Variants in NSF observed in about 807,000 individuals in gnomAD.
The protein encoded by NSF is N-ethylmaleimide sensitive factor, vesicle fusing ATPase.
In NSF, 14 loss-of-function variants were observed where a neutral mutation model predicts 50.3. The observed-to-expected ratio is 0.28, with a 90% CI of 0.18 to 0.44. NSF has a LOEUF of 0.44. NSF is among the 20% of genes least tolerant of loss of function. The pLI is 1.00. For missense variants in NSF, 218 were observed against 504.3 expected (o/e 0.43, Z 5.44); for synonymous variants, 109 against 175.7 (o/e 0.62, Z 3.00).
Position 46,751,480 on chromosome 17 carries a change from ATTATTGT to A in NSF, c.2044-13_2044-7del. 2 of 1,569,886 alleles carry A rather than the reference ATTATTGT, an allele frequency of 1.3e-6. No individual in the cohort carries two copies. The highest frequency in any genetic ancestry group is 1.8e-6 in the Non-Finnish European group (2 of 1,140,196). ...ATGTGTTCACTGTAAAAGTGCTTTG[ATTATTGT>A]TTATTGTTTTTGTAGCTTTTGGGCA... is the stretch of plus-strand genomic sequence containing the variant. On this transcript the variant is annotated splice_polypyrimidine_tract_variant and intron_variant, in intron 18 of 20. Coordinates refer to ENST00000398238, the MANE Select transcript of NSF (RefSeq NM_006178.4).
At chr17:46,717,082 AT>A (rs2058779913) in intron 15 of NSF, among the ~76,000 whole-genome samples, 1 of 152,226 alleles carries the variant, frequency 6.6e-6, no homozygotes, top group Non-Finnish European at 1.5e-5. Flanking sequence ...GTGGAATGGA[AT>A]CAACCTGAAT....
intron 16 of NSF, among the ~76,000 whole-genome samples, chr17:46,727,754 T>A (rs944326797): frequency 2.6e-5 from 4 of 152,154 alleles, no homozygotes. Flanking sequence ...TTAACACAAT[T>A]GAGGTGTGTG....
intron 18 of NSF, among the ~76,000 whole-genome samples, chr17:46,750,920 G>T (rs2059176182): frequency 6.7e-6 from 1 of 150,368 alleles, no homozygotes; most frequent in Non-Finnish European, 1.5e-5. Context: ...TTAATTTTTT[G>T]AAAATGACAG....
intron 13 of NSF, among the ~76,000 whole-genome samples, chr17:46,708,031 CAAA>C (rs35548565): frequency 2.0e-4 from 17 of 85,538 alleles, no homozygotes; most frequent in South Asian, 3.9e-4. Flanking sequence ...GACCCTGTCT[CAAA>C]AAAAAAAAAA....
At chr17:46,610,128 C>CT (rs2058002898) in intron 1 of NSF, among the ~76,000 whole-genome samples, 2 of 60,064 alleles carry the variant, frequency 3.3e-5, no homozygotes, top group African/African-American at 1.2e-4. Context: ...TCTCTCTCTT[C>CT]CTTTCTTCCT....
In NSF at chr17:46,749,768, A is replaced by C. The variant is rs368150353; in HGVS notation, c.1909-5A>C. On this transcript the variant is annotated splice_polypyrimidine_tract_variant and splice_region_variant and intron_variant, in intron 17 of 20. Coordinates refer to ENST00000398238, the MANE Select transcript of NSF (RefSeq NM_006178.4). ...CATTTTAACACATTTTCTCCCTATG[A>C]TCAGGGCCGCAAGCTTCTTATCATT... 59 of 1,612,270 alleles carry C rather than the reference A, an allele frequency of 3.7e-5. No homozygotes were observed. Among genetic ancestry groups the C allele is most frequent in the Non-Finnish European group, 4.9e-5 (58 of 1,178,900 alleles).
chr17:46,703,680 C>CAAAAAAAAAAAAAAAA (rs149212597), intron 12 of NSF, among the ~76,000 whole-genome samples: 27 of 37,692 alleles, frequency 7.2e-4, no homozygotes, highest in East Asian at 1.7e-3. Flanking sequence ...GACTCCGTCT[C>CAAAAAAAAAAAAAAAA]AAAAAAAAAA....
chr17:46,676,139 A>AT lies in NSF; in HGVS notation c.945+1527dup, dbSNP rs550728598. 5.5e-3 allele frequency among the ~76,000 whole-genome samples: 766 copies of AT among 139,844 alleles called. 10 individuals carry two copies. Among genetic ancestry groups the AT allele is most frequent in the African/African-American group, 0.021 (732 of 34,762 alleles). 91.7% of individuals were successfully genotyped at this position (139,844 alleles called of 152,430 possible). Reference sequence around the variant, plus strand: ...GTCTATGAAAAGAGTGGACTAGAAAATATCTGCTGCCACCACAGGGAAATT... The same window carrying AT: ...GTCTATGAAAAGAGTGGACTAGAAAATTATCTGCTGCCACCACAGGGAAATT... On this transcript the variant is annotated intron_variant, in intron 9 of 20. Coordinates refer to ENST00000398238, the MANE Select transcript of NSF (RefSeq NM_006178.4).
At chr17:46,734,090 T>A (rs952619393) in intron 17 of NSF, among the ~76,000 whole-genome samples, 6 of 152,186 alleles carry the variant, frequency 3.9e-5, no homozygotes, top group African/African-American at 1.2e-4. Flanking sequence ...TTACATGACA[T>A]CTTAGCAGTC....
chr17:46,730,769 A>C (rs1751681359), intron 17 of NSF, among the ~76,000 whole-genome samples: 1 of 152,168 alleles, frequency 6.6e-6, no homozygotes, highest in South Asian at 2.1e-4. Flanking sequence ...ACATTCAAAA[A>C]TAAGTAAAGT....
chr17:46,615,732 A>T (rs1211526962), intron 1 of NSF, among the ~76,000 whole-genome samples: 17 of 49,580 alleles, frequency 3.4e-4, no homozygotes. Flanking sequence ...AAAAAAAAAA[A>T]TGCTGTAAAG....
chr17:46,625,917 G>T (rs2096320447), intron 2 of NSF, among the ~76,000 whole-genome samples: 1 of 135,698 alleles, frequency 7.4e-6, no homozygotes, highest in African/African-American at 3.0e-5. Context: ...TACTGCTGCT[G>T]CATAACAGGA....
At chr17:46,681,525 G>T (rs532319733) in intron 9 of NSF, among the ~76,000 whole-genome samples, 19 of 149,510 alleles carry the variant, frequency 1.3e-4, no homozygotes. Flanking sequence ...TACATAGATC[G>T]ACATGAATAA....
At chr17:46,685,258 A>G (rs948127710) in intron 9 of NSF, among the ~76,000 whole-genome samples, 8 of 147,222 alleles carry the variant, frequency 5.4e-5, no homozygotes, top group Non-Finnish European at 8.9e-5. Context: ...TAAAGTTGCA[A>G]GCAATTTAAA....
chr17:46,638,884 GAATT>G (rs1181206835), intron 5 of NSF, among the ~76,000 whole-genome samples: 1 of 49,290 alleles, frequency 2.0e-5, no homozygotes, highest in Non-Finnish European at 3.3e-5. Context: ...GTTGAGATAA[GAATT>G]AATTAAACAC....
chr17:46,751,432 G>A, intron 18 of NSF, 71 bp from the exon 19 acceptor site: 3 of 1,067,468 alleles, frequency 2.8e-6, no homozygotes, highest in Non-Finnish European at 4.3e-6. Context: ...TCTTTTAAAG[G>A]TAAATAGAAT....
In NSF at chr17:46,755,820, T is replaced by C; in HGVS notation, c.2232T>C (p.Asp744=). ...TTTGCAGTAGCCCCCTTGATTTTGA[T>C]TGAAAATGAACTATTTGAAACACAC... ...REEGASPLDF[D] The change falls in exon 21 of 21, where the codon GAT becomes GAC. Residue 744 remains aspartate, a synonymous_variant. Coordinates refer to ENST00000398238, the MANE Select transcript of NSF (RefSeq NM_006178.4). 2 of 1,612,420 alleles carry C rather than the reference T, an allele frequency of 1.2e-6. No homozygotes were observed. The highest frequency in any genetic ancestry group is 1.7e-6 in the Non-Finnish European group (2 of 1,179,770).
intron 17 of NSF, among the ~76,000 whole-genome samples, chr17:46,742,337 T>C (rs1304651562): frequency 6.6e-6 from 1 of 152,230 alleles, no homozygotes; most frequent in Non-Finnish European, 1.5e-5. Flanking sequence ...AAAGTAATAA[T>C]GAAGGAGTGA....
At chr17:46,679,927 A>G (rs1293878410) in intron 9 of NSF, among the ~76,000 whole-genome samples, 1 of 147,492 alleles carries the variant, frequency 6.8e-6, no homozygotes, top group Non-Finnish European at 1.5e-5. Flanking sequence ...CAGAATGTAA[A>G]GTGCCTAGGA....
Sources: allele counts gnomAD v4.1 joint callset (sites outside exome capture counted in the v4.1 genomes callset), GRCh38; gene constraint gnomAD v4.1.1; transcripts MANE v1.5; gene names NCBI Gene and HGNC (gene_info 2026-07-23, HGNC 2026-07-21).